MYOM2: variants seen among roughly 807,000 people sequenced by gnomAD.
MYOM2 encodes the protein myomesin-2.
MYOM2 carries 254 observed loss-of-function variants against 187.6 expected under a neutral mutation model. The ratio of observed to expected loss-of-function variants is 1.35; its 90% CI spans 1.22 to 1.50. The LOEUF (loss-of-function observed/expected upper bound fraction) is 1.50, where lower values mean the gene tolerates loss of function less well. MYOM2 is among the 40% of genes most tolerant of loss of function. The pLI is 0.00. For missense variants in MYOM2, 2,796 were observed against 1,924.0 expected, an observed-to-expected ratio of 1.45 and a Z score of -8.48; for synonymous variants, 981 against 753.8, an observed-to-expected ratio of 1.30 and a Z score of -4.94.
chr8:2,117,791 G>C (rs1203934437), intron 27 of MYOM2, 94 bp from the exon 28 acceptor site: 2 of 743,116 alleles, frequency 2.7e-6, no homozygotes, highest in Non-Finnish European at 4.4e-6. Flanking sequence ...TACACACCAT[G>C]CATATATGTG....
intron 5 of MYOM2, 152 bp downstream of exon 5, chr8:2,057,932 G>A (rs531378999): frequency 2.2e-5 from 15 of 694,000 alleles, no homozygotes; most frequent in Admixed American, 1.6e-4. Flanking sequence ...AGCTCTGAAC[G>A]TTCACTTTAA....
At chr8:2,106,908 T>G (rs536571966) in intron 23 of MYOM2, among the ~76,000 whole-genome samples, 3 of 152,250 alleles carry the variant, frequency 2.0e-5, no homozygotes, top group African/African-American at 7.2e-5. Flanking sequence ...AACTAAGAAA[T>G]CCATGAAATT....
chr8:2,124,332 T>A, intron 31 of MYOM2, 115 bp downstream of exon 31: 1 of 1,031,870 alleles, frequency 9.7e-7, no homozygotes, highest in Non-Finnish European at 1.5e-6. Flanking sequence ...GCGTGTTCTG[T>A]GGGAGGCCCT....
At chr8:2,106,130 T>C (rs775895784) in intron 21 of MYOM2, 112 bp from the exon 22 acceptor site, 7 of 1,085,178 alleles carry the variant, frequency 6.5e-6, no homozygotes, top group Admixed American at 4.6e-5. Context: ...GATTACAATT[T>C]GAGATGAGAT....
At chr8:2,119,205 T>G (rs139660247) in intron 28 of MYOM2, 1 of 152,284 alleles carries the variant, frequency 6.6e-6, no homozygotes, top group Non-Finnish European at 1.5e-5. Context: ...GTGTGTGGAT[T>G]CATGAGGTAT....
chr8:2,124,060 A>C, intron 30 of MYOM2, 119 bp from the exon 31 acceptor site: 1 of 992,070 alleles, frequency 1.0e-6, no homozygotes, highest in East Asian at 2.6e-5. Flanking sequence ...TTGCCATTTT[A>C]ATGATTCATT....
intron 3 of MYOM2, among the ~76,000 whole-genome samples, chr8:2,056,658 T>C (rs147401584): frequency 1.6e-3 from 241 of 152,332 alleles, no homozygotes; most frequent in African/African-American, 5.5e-3. Flanking sequence ...ACTCAGAAAC[T>C]GCATCCTTCT....
chr8:2,115,154 A>G lies in MYOM2; in HGVS notation c.3181-806A>G, dbSNP rs114845783. The stretch of plus-strand genomic sequence containing the variant: ...GGTAAAAATATCAAGCCCCCAAATA[A>G]GGCAACCAGCAAAAAAAAAACAAAA... On this transcript the variant is annotated intron_variant, in intron 25 of 36. Coordinates refer to ENST00000262113, the MANE Select transcript of MYOM2 (RefSeq NM_003970.4). Among the ~76,000 whole-genome samples, 1,077 of 126,890 alleles carry G rather than the reference A, an allele frequency of 8.5e-3. 18 individuals are homozygous for G. The highest frequency in any genetic ancestry group is 0.031 in the African/African-American group (1,031 of 33,608). The allele number at this position is 126,890 out of a possible 152,430, so 83.2% of individuals were successfully genotyped here.
intron 21 of MYOM2, 23 bp downstream of exon 21, chr8:2,102,804 C>T (rs757685905): frequency 6.9e-5 from 108 of 1,568,700 alleles, no homozygotes; most frequent in Non-Finnish European, 8.9e-5. Flanking sequence ...ACAAAAACTA[C>T]AAAACAGCAA....
At chr8:2,125,683 C>T (rs190630533) in intron 31 of MYOM2, among the ~76,000 whole-genome samples, 17 of 134,934 alleles carry the variant, frequency 1.3e-4, no homozygotes, top group Admixed American at 8.5e-4. Context: ...TCTCGGCTCA[C>T]TGCAACCTCC....
At chr8:2,097,035 T>G (rs1357388212) in intron 18 of MYOM2, 1 of 755,642 alleles carries the variant, frequency 1.3e-6, no homozygotes, top group Non-Finnish European at 1.6e-6. Context: ...CATCTGAGCA[T>G]AGATGAATGA....
At position 2,079,565 on chromosome 8, in the gene MYOM2, C is replaced by T. The variant is rs770763914; in HGVS notation, c.1468C>T (p.His490Tyr). 3 of 1,614,104 alleles carry T rather than the reference C, an allele frequency of 1.9e-6. No individual in the cohort carries two copies. Among genetic ancestry groups the T allele is most frequent in the Non-Finnish European group, 2.5e-6 (3 of 1,180,002 alleles). Reference sequence around the variant, plus strand: ...GTCAACCTTTCTCTCCGCAGCCGTTCATTTGGAGGGAGAGAAGGAGATTGC... The same window carrying T: ...GTCAACCTTTCTCTCCGCAGCCGTTTATTTGGAGGGAGAGAAGGAGATTGC... ...PLDLRRLQAV[H>Y]LEGEKEIAIY... Residue 490 changes from histidine (H) to tyrosine (Y), a missense_variant, in exon 13 of 37, where the codon CAT (histidine) becomes TAT (tyrosine). By Grantham distance (83) the His-to-Tyr change is moderately conservative. Transcript: ENST00000262113.
At chr8:2,094,799 T>C (rs1374620320) in intron 17 of MYOM2, among the ~76,000 whole-genome samples, 1 of 152,372 alleles carries the variant, frequency 6.6e-6, no homozygotes, top group East Asian at 1.9e-4. Context: ...TTTGAGACTT[T>C]GTTGGTAAAT....
At chr8:2,130,536 C>G (rs1295249657) in intron 32 of MYOM2, among the ~76,000 whole-genome samples, 1 of 152,228 alleles carries the variant, frequency 6.6e-6, no homozygotes, top group Non-Finnish European at 1.5e-5. Context: ...CACTGGTTTG[C>G]TTAGGTGACT....
intron 5 of MYOM2, among the ~76,000 whole-genome samples, chr8:2,058,111 C>G (rs1288842460): frequency 7.2e-6 from 1 of 139,544 alleles, no homozygotes; most frequent in Non-Finnish European, 1.5e-5. Flanking sequence ...CTCCACTTCC[C>G]TGGTTTAAGT....
At chr8:2,076,368 C>G (rs1361020243) in intron 11 of MYOM2, 86 bp downstream of exon 11, 1 of 1,481,822 alleles carries the variant, frequency 6.7e-7, no homozygotes, top group African/African-American at 1.4e-5. Flanking sequence ...TTTCTCAATG[C>G]AGGTTGACGT....
At chr8:2,133,713 G>A (rs1288089889) in intron 32 of MYOM2, among the ~76,000 whole-genome samples, 1 of 152,110 alleles carries the variant, frequency 6.6e-6, no homozygotes. Context: ...CACCTGCCTC[G>A]GCCTCCCAAA....
At chr8:2,063,161 G>A (rs545721728) in intron 6 of MYOM2, among the ~76,000 whole-genome samples, 1 of 152,286 alleles carries the variant, frequency 6.6e-6, no homozygotes, top group African/African-American at 2.4e-5. Flanking sequence ...TATTCTTCGG[G>A]AAAAGAGCAA....
chr8:2,086,224 T>C (rs1349604568), intron 14 of MYOM2, among the ~76,000 whole-genome samples: 5 of 8,574 alleles, frequency 5.8e-4, no homozygotes, highest in Admixed American at 1.1e-3. Context: ...ATGATCTCTT[T>C]GTGGCCCCCC....
Sources: gnomAD v4.1 joint callset for allele counts (sites outside exome capture counted in the v4.1 genomes callset) on GRCh38, gnomAD v4.1.1 for gene constraint, MANE v1.5 for transcripts, NCBI Gene and HGNC (gene_info 2026-07-23, HGNC 2026-07-21) for gene names.